IQSEC1: variants seen among roughly 807,000 people sequenced by gnomAD.
IQSEC1 encodes the protein IQ motif and SEC7 domain-containing protein 1.
Under a neutral mutation model 91.0 loss-of-function variants are expected in IQSEC1, and 31 were observed. The observed-to-expected ratio is 0.34, with a 90% confidence interval of 0.26 to 0.46. IQSEC1 has a LOEUF of 0.46. IQSEC1 is among the 20% of genes least tolerant of loss of function. The pLI is 1.00. For missense variants in IQSEC1, 1,388 were observed against 1,575.6 expected (o/e 0.88, Z 2.02); for synonymous variants, 699 against 662.6 (o/e 1.05, Z -0.84).
intron 1 of IQSEC1, among the ~76,000 whole-genome samples, chr3:13,217,948 C>T (rs1475290876): frequency 6.6e-6 from 1 of 152,172 alleles, no homozygotes; most frequent in East Asian, 1.9e-4. Context: ...ACCAGAAGAG[C>T]TGGAAAGACC....
At chr3:12,933,427 T>C (rs1421511444) in intron 3 of IQSEC1, among the ~76,000 whole-genome samples, 2 of 152,156 alleles carry the variant, frequency 1.3e-5, no homozygotes, top group Non-Finnish European at 2.9e-5. Flanking sequence ...GATACCCTCA[T>C]AAGACAATGT....
chr3:12,965,765 G>T (rs1700522346), intron 1 of IQSEC1, among the ~76,000 whole-genome samples: 1 of 152,184 alleles, frequency 6.6e-6, no homozygotes, highest in African/African-American at 2.4e-5. Flanking sequence ...AACTGGAATG[G>T]TCCTAATGGA....
At chr3:13,048,994 G>A (rs577268585) in intron 1 of IQSEC1, among the ~76,000 whole-genome samples, 1 of 152,322 alleles carries the variant, frequency 6.6e-6, no homozygotes, top group African/African-American at 2.4e-5. Context: ...ATGAGGGGTG[G>A]TGCCAAGACG....
intron 1 of IQSEC1, among the ~76,000 whole-genome samples, chr3:13,234,223 C>T (rs531459708): frequency 4.6e-4 from 66 of 143,554 alleles, no homozygotes; most frequent in Admixed American, 2.8e-3. Context: ...TGTGAGCCCC[C>T]GTGTCTGTGC....
At chr3:12,912,534 T>C (rs1211351201) in intron 9 of IQSEC1, among the ~76,000 whole-genome samples, 3 of 152,126 alleles carry the variant, frequency 2.0e-5, no homozygotes, top group African/African-American at 7.2e-5. Flanking sequence ...ATCAAGAACA[T>C]GGGCCTGTAG....
intron 1 of IQSEC1, among the ~76,000 whole-genome samples, chr3:12,990,303 G>A (rs1200044122): frequency 6.6e-6 from 1 of 152,296 alleles, no homozygotes. Context: ...ACCGATGAGG[G>A]AAACTCACTG....
intron 1 of IQSEC1, among the ~76,000 whole-genome samples, chr3:13,028,048 C>T (rs1703688829): frequency 6.6e-6 from 1 of 152,208 alleles, no homozygotes; most frequent in Non-Finnish European, 1.5e-5. Flanking sequence ...CAGGAAGCTG[C>T]CCATGATTGC....
At chr3:13,112,850 C>T (rs1483940882) in intron 2 of IQSEC1, among the ~76,000 whole-genome samples, 9 of 152,256 alleles carry the variant, frequency 5.9e-5, no homozygotes, top group Non-Finnish European at 1.3e-4. Context: ...GAGTGGAAGC[C>T]ACCACTGAGG....
intron 3 of IQSEC1, among the ~76,000 whole-genome samples, chr3:12,934,818 A>G (rs1698019893): frequency 6.6e-6 from 1 of 152,076 alleles, no homozygotes. Flanking sequence ...CTTGGGGAGC[A>G]GCTACTCCAT....
intron 1 of IQSEC1, among the ~76,000 whole-genome samples, chr3:13,044,835 G>T (rs1021428885): frequency 6.6e-6 from 1 of 152,236 alleles, no homozygotes; most frequent in Non-Finnish European, 1.5e-5. Flanking sequence ...CAGAACCTCC[G>T]AAGGCTGGGA....
intron 1 of IQSEC1, among the ~76,000 whole-genome samples, chr3:13,192,883 G>A (rs1231052693): frequency 6.6e-6 from 1 of 152,244 alleles, no homozygotes; most frequent in Non-Finnish European, 1.5e-5. Flanking sequence ...TTGAGGGGGA[G>A]CATTTGCCTC....
chr3:13,166,493 G>C (rs1198255593), intron 1 of IQSEC1, among the ~76,000 whole-genome samples: 1 of 152,176 alleles, frequency 6.6e-6, no homozygotes, highest in East Asian at 1.9e-4. Flanking sequence ...TGGGTCCCAG[G>C]CCCAGCTTCA....
intron 2 of IQSEC1, among the ~76,000 whole-genome samples, chr3:13,130,202 G>C (rs1041152372): frequency 1.3e-4 from 19 of 151,668 alleles, no homozygotes; most frequent in African/African-American, 4.6e-4. Context: ...AAATTAGCCA[G>C]GTGTGGTGGC....
chr3:13,268,845 C>T lies in IQSEC1; in HGVS notation c.272+13866G>A, dbSNP rs543796994. 3.1e-4 allele frequency among the ~76,000 whole-genome samples: 47 copies of T among 152,250 alleles called. 1 individual carries two copies. In the South Asian group the frequency reaches 9.3e-3, roughly 30 times the overall value. Reference sequence around the variant, plus strand: ...AAAGATGAGCAAGGTATGGCTGCTGCCTGCCCCAGAGAGGGAAGATGCAAG... The same window carrying T: ...AAAGATGAGCAAGGTATGGCTGCTGTCTGCCCCAGAGAGGGAAGATGCAAG... On this transcript the variant is annotated intron_variant, in intron 1 of 15. Coordinates refer to the IQSEC1 transcript ENST00000648114.
rs537462082 is a variant in IQSEC1, at chr3:13,263,194, G to T, written c.272+19517C>A. ...GAGCCTCGGAGGCAGAGGTTGCAGT[G>T]AGCCATATCACACCACCGCACTTCA... On this transcript the variant is annotated intron_variant, in intron 1 of 15. Transcript: ENST00000648114. 2.0e-5 allele frequency among the ~76,000 whole-genome samples: 3 copies of T among 152,196 alleles called. No homozygotes were observed. In the South Asian group the frequency reaches 6.2e-4, roughly 32 times the overall value.
chr3:13,198,166 C>A (rs1405800480), intron 1 of IQSEC1, among the ~76,000 whole-genome samples: 1 of 152,120 alleles, frequency 6.6e-6, no homozygotes, highest in Non-Finnish European at 1.5e-5. Context: ...GCTCATGCCC[C>A]ACAGAGGACC....
At chr3:13,243,116 T>G (rs950503021) in intron 1 of IQSEC1, among the ~76,000 whole-genome samples, 4 of 152,140 alleles carry the variant, frequency 2.6e-5, no homozygotes, top group Admixed American at 1.3e-4. Flanking sequence ...TAAATCCAGG[T>G]GAAGTCCCTT....
At chr3:13,085,358 T>C (rs1198760413) in intron 2 of IQSEC1, among the ~76,000 whole-genome samples, 1 of 152,012 alleles carries the variant, frequency 6.6e-6, no homozygotes, top group Non-Finnish European at 1.5e-5. Context: ...GAGAGTGAGA[T>C]CCTTGTCATG....
intron 1 of IQSEC1, among the ~76,000 whole-genome samples, chr3:13,217,786 G>A (rs1035459631): frequency 1.4e-4 from 21 of 152,208 alleles, no homozygotes. Flanking sequence ...ATCATTACTT[G>A]AAATAGAAAA....
Sources: allele counts gnomAD v4.1 joint callset (sites outside exome capture counted in the v4.1 genomes callset), GRCh38; gene constraint gnomAD v4.1.1; transcripts MANE v1.5; gene names NCBI Gene and HGNC (gene_info 2026-07-23, HGNC 2026-07-21).